The following SNAP29 variants were observed in gnomAD, a reference collection of about 807,000 sequenced individuals.
SNAP29 encodes synaptosome associated protein 29.
A neutral mutation model predicts 27.9 loss-of-function variants in SNAP29; 13 were observed. The ratio of observed to expected loss-of-function variants is 0.47; its 90% CI spans 0.30 to 0.74. The LOEUF (loss-of-function observed/expected upper bound fraction) is 0.74. Ranked by LOEUF, SNAP29 falls within the 30% of genes least tolerant of loss-of-function variation. The probability of loss-of-function intolerance (pLI) is 0.06; values close to 1 mark genes in which losing one functional copy is unlikely to be tolerated. For missense variants in SNAP29, 368 were observed against 336.5 expected (o/e 1.09, Z -0.73); for synonymous variants, 119 against 127.1 (o/e 0.94, Z 0.43).
In SNAP29 at chr22:20,889,342, C is replaced by G. The variant is rs1470711129; in HGVS notation, c.*1506C>G. ...AAATTCCCATCCCATAATGCATGACCTTCCTAAAAATATCCACAGCCTCCA... is the reference window on the plus strand; with the variant it reads ...AAATTCCCATCCCATAATGCATGACGTTCCTAAAAATATCCACAGCCTCCA... On this transcript the variant is annotated 3_prime_UTR_variant, in exon 5 of 5. Coordinates refer to ENST00000215730, the MANE Select transcript of SNAP29 (RefSeq NM_004782.4). 6.6e-6 allele frequency: 1 copy of G among 152,154 alleles called. No homozygotes were observed. Among genetic ancestry groups the G allele is most frequent in the Non-Finnish European group, 1.5e-5 (1 of 68,030 alleles). 9.4% of individuals were successfully genotyped at this position (152,154 alleles called of 1,614,324 possible).
chr22:20,877,900 C>T (rs184676795), intron 2 of SNAP29, among the ~76,000 whole-genome samples: 1 of 152,212 alleles, frequency 6.6e-6, no homozygotes, highest in Non-Finnish European at 1.5e-5. Flanking sequence ...GTGTCTCTTC[C>T]TACTCCCAGC....
intron 1 of SNAP29, among the ~76,000 whole-genome samples, chr22:20,864,546 C>T (rs899544506): frequency 1.3e-5 from 2 of 152,126 alleles, no homozygotes; most frequent in Non-Finnish European, 2.9e-5. Flanking sequence ...AATGAGGGGC[C>T]GTACAGACCA....
At chr22:20,859,399 C>T (rs745973050) in intron 1 of SNAP29, 52 bp downstream of exon 1, 1 of 1,263,580 alleles carries the variant, frequency 7.9e-7, no homozygotes, top group Non-Finnish European at 1.2e-6. Context: ...TGCTGTCAAA[C>T]GGAGACGAGA....
intron 1 of SNAP29, among the ~76,000 whole-genome samples, chr22:20,860,770 C>T (rs1198660261): frequency 2.6e-5 from 4 of 152,158 alleles, no homozygotes; most frequent in African/African-American, 9.7e-5. Flanking sequence ...AATGTATAAG[C>T]CAGGCGCGGT....
chr22:20,859,610 A>G, intron 1 of SNAP29: 1 of 532,886 alleles, frequency 1.9e-6, no homozygotes, highest in South Asian at 2.3e-5. Context: ...CGCCTAGCTC[A>G]CGGGGAAACG....
rs1289419501 is a variant in SNAP29, at chr22:20,860,895, GGC to G, written c.237+1549_237+1550del. Among the ~76,000 whole-genome samples, 1,223 of 152,258 alleles carry G rather than the reference GGC, an allele frequency of 8.0e-3. 17 individuals carry two copies. Among genetic ancestry groups the G allele is most frequent in the African/African-American group, 0.028 (1,167 of 41,554 alleles). On this transcript the variant is annotated intron_variant, in intron 1 of 4. Transcript: ENST00000215730. ...TCTACAAAATTTGAAAAATTAGCCA[GGC>G]ATGGTGGCACACACATGTGAGTGCA...
At chr22:20,877,711 G>A (rs556926266) in intron 2 of SNAP29, among the ~76,000 whole-genome samples, 42 of 152,188 alleles carry the variant, frequency 2.8e-4, no homozygotes, top group East Asian at 1.9e-3. Context: ...GCTAGACTCC[G>A]TCTCAAAAAA....
rs1928134196 is a variant in SNAP29 at position 20,859,225 on chromosome 22, G to A, written c.115G>A (p.Ala39Thr). ...CCTCCCCGACGGGCCCGACGCGCCC[G>A]CGGACAGGCAGCAGTACTTGCGGCA... is the stretch of plus-strand genomic sequence containing the variant. ...RDLPDGPDAP[A>T]DRQQYLRQEV... is the part of the protein sequence containing the mutation. The change falls in exon 1 of 5, where the codon GCG (alanine) becomes ACG (threonine). Residue 39 changes from alanine to threonine, a missense_variant. By Grantham distance (58) the Ala-to-Thr change is moderately conservative. Coordinates refer to ENST00000215730, the MANE Select transcript of SNAP29 (RefSeq NM_004782.4). The A allele has an allele frequency of 6.2e-7, 1 of 1,605,250 alleles. No homozygotes were observed. Among genetic ancestry groups the A allele is most frequent in the East Asian group, 2.2e-5 (1 of 44,650 alleles).
chr22:20,861,152 T>A (rs1928309811), intron 1 of SNAP29, among the ~76,000 whole-genome samples: 1 of 128,388 alleles, frequency 7.8e-6, no homozygotes, highest in Non-Finnish European at 1.6e-5. Flanking sequence ...AGATTCTCGC[T>A]CTGTCACCAG....
chr22:20,859,384 C>T (rs753162810), intron 1 of SNAP29, 37 bp downstream of exon 1: 1 of 1,382,684 alleles, frequency 7.2e-7, no homozygotes, highest in African/African-American at 1.4e-5. Context: ...ACTCGCCGGT[C>T]TCTGTGCTGT....
chr22:20,885,029 C>T (rs977146690), intron 4 of SNAP29, among the ~76,000 whole-genome samples: 1 of 152,198 alleles, frequency 6.6e-6, no homozygotes, highest in Non-Finnish European at 1.5e-5. Flanking sequence ...CCTGTCTCGG[C>T]CTCCCAAAGT....
Position 20,859,251 on chromosome 22 carries a change from G to A in SNAP29, c.141G>A (p.Gln47=), listed in dbSNP as rs748556238. ...APADRQQYLR[Q]EVLRRAEATA... is the part of the protein sequence containing the mutation. Reference sequence around the variant, plus strand: ...CGGACAGGCAGCAGTACTTGCGGCAGGAGGTCCTCCGCAGGGCTGAGGCCA... The same window carrying A: ...CGGACAGGCAGCAGTACTTGCGGCAAGAGGTCCTCCGCAGGGCTGAGGCCA... The change falls in exon 1 of 5, where the codon CAG becomes CAA. Residue 47 remains glutamine, a synonymous_variant. Transcript: ENST00000215730. The A allele has an allele frequency of 6.2e-6, 10 of 1,605,978 alleles. No individual in the cohort carries two copies. The highest frequency in any genetic ancestry group is 1.3e-5 in the African/African-American group (1 of 75,018).
Position 20,887,700 on chromosome 22 carries a change from G to A in SNAP29, c.641G>A (p.Gly214Asp). ...SNLDELSMGL[G>D]RLKDIALGMQ... ...GCAGATGAGCTGTCCATGGGACTGG[G>A]TCGTCTGAAGGACATAGCCCTGGGG... The change falls in exon 5 of 5, where the codon GGT becomes GAT. Residue 214 changes from glycine (G) to aspartate (D), a missense_variant. Gly to Asp is a moderately conservative substitution (Grantham distance 94). Coordinates refer to ENST00000215730, the MANE Select transcript of SNAP29 (RefSeq NM_004782.4). The A allele has an allele frequency of 6.2e-7, 1 of 1,614,182 alleles. No individual in the cohort carries two copies. Among genetic ancestry groups the A allele is most frequent in the South Asian group, 1.1e-5 (1 of 91,080 alleles).
At chr22:20,880,870 G>GCTGGC (rs1928874646) in intron 2 of SNAP29, among the ~76,000 whole-genome samples, 179 bp from the exon 3 acceptor site, 1 of 152,114 alleles carries the variant, frequency 6.6e-6, no homozygotes, top group Non-Finnish European at 1.5e-5. Flanking sequence ...TAAGCTTACT[G>GCTGGC]CTTGGCCCAC....
chr22:20,859,390 G>A, intron 1 of SNAP29, 43 bp downstream of exon 1: 7 of 1,323,504 alleles, frequency 5.3e-6, no homozygotes, highest in East Asian at 2.3e-5. Flanking sequence ...CGGTCTCTGT[G>A]CTGTCAAACG....
At chr22:20,863,107 T>C (rs2147859958) in intron 1 of SNAP29, among the ~76,000 whole-genome samples, 2 of 152,294 alleles carry the variant, frequency 1.3e-5, no homozygotes, top group Middle Eastern at 3.4e-3. Flanking sequence ...CAGGCTAGTC[T>C]CGAATTCCTG....
intron 2 of SNAP29, among the ~76,000 whole-genome samples, chr22:20,874,132 G>A (rs1419952010): frequency 2.1e-4 from 31 of 149,620 alleles, no homozygotes; most frequent in Middle Eastern, 3.5e-3. Context: ...AATATTATCC[G>A]GGTGTGGTGG....
chr22:20,860,918 G>C (rs1445548905), intron 1 of SNAP29, among the ~76,000 whole-genome samples: 2 of 149,646 alleles, frequency 1.3e-5, no homozygotes, highest in African/African-American at 2.6e-5. Flanking sequence ...ACACATGTGA[G>C]TGCAGCTACT....
intron 1 of SNAP29, among the ~76,000 whole-genome samples, chr22:20,867,874 C>CG (rs1199433254): frequency 2.0e-5 from 3 of 152,076 alleles, no homozygotes; most frequent in Non-Finnish European, 2.9e-5. Context: ...GGTGAGTGGT[C>CG]GTGGGTTGGC....
Sources: allele counts gnomAD v4.1 joint callset (sites outside exome capture counted in the v4.1 genomes callset), GRCh38; gene constraint gnomAD v4.1.1; transcripts MANE v1.5; gene names NCBI Gene and HGNC (gene_info 2026-07-23, HGNC 2026-07-21).